The following SACM1L variants were observed in gnomAD, a reference collection of about 807,000 sequenced individuals.
The protein encoded by SACM1L is SAC1 like phosphatidylinositide phosphatase, also known as phosphatidylinositol-3-phosphatase SAC1.
SACM1L carries 32 observed loss-of-function variants against 89.5 expected under a neutral mutation model. The observed-to-expected ratio is 0.36, with a 90% CI of 0.27 to 0.48. The LOEUF is 0.48. Among genes scored for constraint, SACM1L ranks in the 20% least tolerant of loss-of-function variants. The pLI is 0.99. For synonymous variants in SACM1L, 213 were observed against 232.8 expected, an observed-to-expected ratio of 0.92 and a Z score of 0.77; for missense variants, 543 against 708.5, an observed-to-expected ratio of 0.77 and a Z score of 2.65.
At chr3:45,710,252 G>C (rs1401566774) in intron 5 of SACM1L, among the ~76,000 whole-genome samples, 1 of 149,772 alleles carries the variant, frequency 6.7e-6, no homozygotes, top group African/African-American at 2.5e-5. Flanking sequence ...CTAGGCTGTA[G>C]TGCAGTGGTG....
In SACM1L at chr3:45,722,895, G is replaced by C; in HGVS notation, c.792G>C (p.Trp264Cys). The C allele has an allele frequency of 6.2e-7, 1 of 1,613,180 alleles. No homozygotes were observed. Among genetic ancestry groups the C allele is most frequent in the Non-Finnish European group, 8.5e-7 (1 of 1,179,528 alleles). Reference sequence around the variant, plus strand: ...CTCGAGGATCAATACCTGTTTTCTGGTCCCAAAGACCAAACCTCAAGTACA... The same window carrying C: ...CTCGAGGATCAATACCTGTTTTCTGCTCCCAAAGACCAAACCTCAAGTACA... ...VQTRGSIPVF[W>C]SQRPNLKYKP... Residue 264 changes from tryptophan to cysteine, a missense_variant, in exon 10 of 20, where the codon TGG becomes TGC. Physicochemically the swap from Trp to Cys is radical, Grantham distance 215. Around this residue, in one of 2 missense-constraint regions of SACM1L, gnomAD observed 370 missense variants for 527.6 expected, o/e 0.70. Transcript: ENST00000389061.
At position 45,706,856 on chromosome 3, in the gene SACM1L, T is replaced by C; in HGVS notation, c.282T>C (p.Asp94=). 6.2e-7 allele frequency: 1 copy of C among 1,613,188 alleles called. No individual in the cohort carries two copies. The part of the protein sequence containing the change: ...FFSHVVWKAT[D]FDVLSYKKTM... Reference sequence around the variant, plus strand: ...GTCATGTAGTCTGGAAAGCAACAGATTTTGATGTCCTTTCTTATAAGAAGA... The same window carrying C: ...GTCATGTAGTCTGGAAAGCAACAGACTTTGATGTCCTTTCTTATAAGAAGA... The change falls in exon 4 of 20, where the codon GAT becomes GAC. Residue 94 remains aspartate, a synonymous_variant. Transcript: ENST00000389061.
At chr3:45,705,060 G>T in intron 2 of SACM1L, 75 bp from the exon 3 acceptor site, 2 of 928,934 alleles carry the variant, frequency 2.2e-6, no homozygotes, top group South Asian at 1.4e-5. Flanking sequence ...AGTAACTATT[G>T]AAATCGAACT....
At chr3:45,722,669 TAGA>T (rs979138268) in intron 9 of SACM1L, among the ~76,000 whole-genome samples, 197 bp from the exon 10 acceptor site, 1 of 152,164 alleles carries the variant, frequency 6.6e-6, no homozygotes, top group Admixed American at 6.5e-5. Context: ...TATATAAAAC[TAGA>T]AGGAGAAAAA....
Position 45,713,964 on chromosome 3 carries a change from ACCTC to A in SACM1L, c.544-78_544-75del, listed in dbSNP as rs1263959394. ...TACTACCTTGTTATGTTTGTATATT[ACCTC>A]CCTATGTGTAAATATTTTTATATAA... On this transcript the variant is annotated intron_variant, in intron 6 of 19. Coordinates refer to ENST00000389061, the MANE Select transcript of SACM1L (RefSeq NM_014016.5). The A allele has an allele frequency of 5.9e-6, 4 of 681,204 alleles. No individual in the cohort carries two copies. In the African/African-American group the frequency reaches 7.4e-5, roughly 13 times the overall value. 42.2% of individuals were successfully genotyped at this position (681,204 alleles called of 1,614,324 possible). A position where few individuals can be genotyped will look rare whatever the true frequency, so the allele number is the denominator to read the frequency against.
chr3:45,698,761 G>T (rs1698189491), intron 1 of SACM1L, among the ~76,000 whole-genome samples: 1 of 152,006 alleles, frequency 6.6e-6, no homozygotes, highest in South Asian at 2.1e-4. Flanking sequence ...ATGTTGGCCA[G>T]GCTGGTCTTG....
At chr3:45,694,685 C>T (rs558417028) in intron 1 of SACM1L, among the ~76,000 whole-genome samples, 19 of 152,192 alleles carry the variant, frequency 1.2e-4, no homozygotes, top group Admixed American at 2.6e-4. Context: ...TGGGGATGAG[C>T]GGTGGAAATC....
intron 11 of SACM1L, among the ~76,000 whole-genome samples, chr3:45,729,774 G>T (rs1182222868): frequency 6.6e-6 from 1 of 151,774 alleles, no homozygotes; most frequent in Admixed American, 6.5e-5. Context: ...TTTGGTGTGG[G>T]TCTCCTTAGA....
chr3:45,704,823 T>A (rs1180205133), intron 2 of SACM1L, among the ~76,000 whole-genome samples: 1 of 152,240 alleles, frequency 6.6e-6, no homozygotes, highest in Non-Finnish European at 1.5e-5. Flanking sequence ...ACTGACTTGC[T>A]GACAGTTTCT....
At chr3:45,722,576 A>AT (rs1312577649) in intron 9 of SACM1L, among the ~76,000 whole-genome samples, 3 of 152,270 alleles carry the variant, frequency 2.0e-5, no homozygotes, top group Non-Finnish European at 4.4e-5. Context: ...GCCAAATTAT[A>AT]TAACAGATGT....
chr3:45,721,527 A>C (rs1698787039), intron 8 of SACM1L, among the ~76,000 whole-genome samples: 1 of 152,262 alleles, frequency 6.6e-6, no homozygotes, highest in South Asian at 2.1e-4. Context: ...CGTCTCAAAA[A>C]ATAAGTAAAT....
chr3:45,743,704 A>AT lies in SACM1L; in HGVS notation c.*37dup. 6.2e-7 allele frequency: 1 copy of AT among 1,601,992 alleles called. No individual in the cohort carries two copies. The highest frequency in any genetic ancestry group is 8.5e-7 in the Non-Finnish European group (1 of 1,174,294). On this transcript the variant is annotated 3_prime_UTR_variant, in exon 20 of 20. Transcript: ENST00000389061. Reference sequence around the variant, plus strand: ...TGTGGAAAGCGGCTTGGCTTGGAAGATTCCATTGTGCAGAACTGGAGTCTT... The same window carrying AT: ...TGTGGAAAGCGGCTTGGCTTGGAAGATTTCCATTGTGCAGAACTGGAGTCTT...
At chr3:45,737,186 CAG>C (rs997111233) in intron 14 of SACM1L, 5 of 190,108 alleles carry the variant, frequency 2.6e-5, no homozygotes, top group African/African-American at 9.6e-5. Flanking sequence ...TGGGGTGACT[CAG>C]GGGTGAAGAA....
chr3:45,721,901 A>G, intron 8 of SACM1L, 99 bp from the exon 9 acceptor site: 1 of 750,070 alleles, frequency 1.3e-6, no homozygotes, highest in South Asian at 1.6e-5. Context: ...ACTAACTTGA[A>G]CTGACTTAAT....
intron 1 of SACM1L, among the ~76,000 whole-genome samples, chr3:45,690,763 T>C (rs1012627491): frequency 2.3e-4 from 35 of 152,178 alleles, no homozygotes; most frequent in South Asian, 2.1e-4. Context: ...CCAGTTCCCC[T>C]TTGCAAAGTG....
chr3:45,716,792 A>G (rs896745927), intron 7 of SACM1L, among the ~76,000 whole-genome samples: 1 of 152,094 alleles, frequency 6.6e-6, no homozygotes, highest in African/African-American at 2.4e-5. Flanking sequence ...CCTGGGAGTA[A>G]CTGATTGATG....
chr3:45,722,232 A>G, intron 9 of SACM1L, 147 bp downstream of exon 9: 1 of 587,422 alleles, frequency 1.7e-6, no homozygotes, highest in Middle Eastern at 2.7e-4. Flanking sequence ...TCACCCCAAA[A>G]AAGGAAAATC....
At chr3:45,709,339 A>G (rs1289652504) in intron 4 of SACM1L, among the ~76,000 whole-genome samples, 159 bp from the exon 5 acceptor site, 10 of 152,218 alleles carry the variant, frequency 6.6e-5, no homozygotes, top group Non-Finnish European at 1.3e-4. Flanking sequence ...GAACTGTCCT[A>G]CATCCCAGGG....
intron 19 of SACM1L, 85 bp downstream of exon 19, chr3:45,739,729 C>G (rs1699276523): frequency 1.7e-6 from 2 of 1,209,294 alleles, no homozygotes; most frequent in African/African-American, 3.0e-5. Flanking sequence ...TCACCGAACA[C>G]TTGATGTTTC....
Sources: allele counts gnomAD v4.1 joint callset (sites outside exome capture counted in the v4.1 genomes callset), GRCh38; gene constraint gnomAD v4.1.1; regional missense constraint gnomAD v4.1.1; transcripts MANE v1.5; gene names NCBI Gene and HGNC (gene_info 2026-07-23, HGNC 2026-07-21).